FHIT: variants seen among roughly 807,000 people sequenced by gnomAD.
The protein encoded by FHIT is fragile histidine triad diadenosine triphosphatase.
A neutral mutation model predicts 17.9 loss-of-function variants in FHIT; 19 were observed. The ratio of observed to expected loss-of-function variants is 1.06; its 90% confidence interval spans 0.74 to 1.56. The LOEUF (loss-of-function observed/expected upper bound fraction) is 1.56. FHIT is among the 40% of genes most tolerant of loss of function. The probability of loss-of-function intolerance (pLI) is 0.00; values close to 1 mark genes in which losing one functional copy is unlikely to be tolerated. For missense variants in FHIT, 248 were observed against 189.2 expected, an observed-to-expected ratio of 1.31 and a Z score of -1.82; for synonymous variants, 81 against 69.7, an observed-to-expected ratio of 1.16 and a Z score of -0.81.
intron 6 of FHIT, among the ~76,000 whole-genome samples, chr3:60,013,161 A>C (rs993062857): frequency 2.6e-5 from 4 of 152,194 alleles, no homozygotes; most frequent in Admixed American, 6.5e-5. Flanking sequence ...ATAACCTGAA[A>C]ACACTGGCTT....
intron 4 of FHIT, among the ~76,000 whole-genome samples, chr3:60,586,569 A>C (rs888713139): frequency 1.2e-4 from 18 of 152,058 alleles, no homozygotes; most frequent in Non-Finnish European, 1.5e-5. Context: ...CTATTCACAA[A>C]AGCAAAGACA....
intron 3 of FHIT, among the ~76,000 whole-genome samples, chr3:61,030,976 G>C (rs1485692962): frequency 6.6e-6 from 1 of 152,110 alleles, no homozygotes; most frequent in African/African-American, 2.4e-5. Context: ...TCCTGGGTAT[G>C]GAAAGGGCTT....
chr3:59,957,830 T>C (rs993162691), intron 7 of FHIT, among the ~76,000 whole-genome samples: 1 of 152,204 alleles, frequency 6.6e-6, no homozygotes, highest in African/African-American at 2.4e-5. Flanking sequence ...TGGTAGACTC[T>C]TGGCTATACA....
chr3:61,148,373 C>G (rs1012028453), intron 2 of FHIT, among the ~76,000 whole-genome samples: 3 of 152,154 alleles, frequency 2.0e-5, no homozygotes, highest in Admixed American at 1.3e-4. Flanking sequence ...TAGCAATAGT[C>G]TCCTAGCTCC....
chr3:60,701,855 T>C (rs2041255775), intron 4 of FHIT, among the ~76,000 whole-genome samples: 1 of 152,208 alleles, frequency 6.6e-6, no homozygotes. Context: ...TTTTCAAAGT[T>C]AAACTATAAA....
intron 3 of FHIT, among the ~76,000 whole-genome samples, chr3:60,985,574 G>T (rs1710688134): frequency 6.6e-6 from 1 of 152,042 alleles, no homozygotes; most frequent in African/African-American, 2.4e-5. Flanking sequence ...TGTACAGACG[G>T]GTACAATTCC....
At chr3:60,825,590 G>A (rs939541734) in intron 3 of FHIT, among the ~76,000 whole-genome samples, 2 of 152,122 alleles carry the variant, frequency 1.3e-5, no homozygotes, top group Admixed American at 1.3e-4. Context: ...TCCACCTCCT[G>A]TCAGATCAGC....
At chr3:59,774,692 C>G (rs575614) in intron 8 of FHIT, among the ~76,000 whole-genome samples, 68,683 of 151,994 alleles carry the variant, frequency 0.45, 16,551 homozygotes, top group Middle Eastern at 0.55. Context: ...AATTAAAGAC[C>G]TAGGAGAGTG....
At chr3:59,963,518 C>T (rs915617621) in intron 7 of FHIT, among the ~76,000 whole-genome samples, 10 of 151,982 alleles carry the variant, frequency 6.6e-5, no homozygotes, top group African/African-American at 2.4e-4. Flanking sequence ...AGAATTAGAA[C>T]TTGAATCTCA....
chr3:60,809,179 A>G (rs1701493494), intron 4 of FHIT, among the ~76,000 whole-genome samples: 1 of 152,196 alleles, frequency 6.6e-6, no homozygotes, highest in Admixed American at 6.5e-5. Context: ...AGAGCATAAA[A>G]TTTCATTTAT....
chr3:60,117,803 G>GA (rs71089581), intron 5 of FHIT, among the ~76,000 whole-genome samples: 46,738 of 150,868 alleles, frequency 0.31, 7,509 homozygotes, highest in Non-Finnish European at 0.36. Context: ...CAGTGAAAAG[G>GA]AAAAAAAAAT....
chr3:59,998,837 A>C (rs1699619203), intron 7 of FHIT, among the ~76,000 whole-genome samples: 1 of 152,118 alleles, frequency 6.6e-6, no homozygotes, highest in African/African-American at 2.4e-5. Flanking sequence ...AAACCTAATC[A>C]AAGTCCACTA....
chr3:61,003,767 A>G (rs180932002), intron 3 of FHIT, among the ~76,000 whole-genome samples: 1 of 152,400 alleles, frequency 6.6e-6, no homozygotes, highest in East Asian at 1.9e-4. Flanking sequence ...AGTATATCTT[A>G]CTGAAAAGTT....
At chr3:61,211,295 C>T (rs1480888173) in intron 1 of FHIT, among the ~76,000 whole-genome samples, 3 of 135,808 alleles carry the variant, frequency 2.2e-5, no homozygotes, top group Non-Finnish European at 4.8e-5. Context: ...AGGGTCACTC[C>T]CACCCTAATA....
At chr3:60,164,130 G>A (rs1466644791) in intron 5 of FHIT, among the ~76,000 whole-genome samples, 2 of 152,164 alleles carry the variant, frequency 1.3e-5, no homozygotes, top group Non-Finnish European at 2.9e-5. Context: ...GCTAGTGGAA[G>A]ACTGCTGAAG....
intron 4 of FHIT, among the ~76,000 whole-genome samples, chr3:60,609,228 T>C (rs1209742459): frequency 6.6e-6 from 1 of 152,162 alleles, no homozygotes; most frequent in Non-Finnish European, 1.5e-5. Context: ...GAGGCATAAG[T>C]ATGTCCATCC....
chr3:59,866,403 G>C (rs1702652265), intron 8 of FHIT, among the ~76,000 whole-genome samples: 1 of 152,170 alleles, frequency 6.6e-6, no homozygotes, highest in African/African-American at 2.4e-5. Flanking sequence ...ATCATTCGGG[G>C]CATTCCAGAC....
At chr3:59,887,006 G>A (rs1471541825) in intron 8 of FHIT, among the ~76,000 whole-genome samples, 1 of 152,142 alleles carries the variant, frequency 6.6e-6, no homozygotes. Flanking sequence ...AAAGAAGTGA[G>A]TACCTAAGCA....
intron 5 of FHIT, among the ~76,000 whole-genome samples, chr3:60,268,494 C>G (rs1464949512): frequency 6.6e-6 from 1 of 152,152 alleles, no homozygotes; most frequent in East Asian, 1.9e-4. Flanking sequence ...TGACTTGGGA[C>G]TGGCACAGTC....
Sources: allele counts gnomAD v4.1 joint callset (sites outside exome capture counted in the v4.1 genomes callset), GRCh38; gene constraint gnomAD v4.1.1; transcripts MANE v1.5; gene names NCBI Gene and HGNC (gene_info 2026-07-23, HGNC 2026-07-21).